The following MAP3K5 variants were observed in gnomAD, a reference collection of about 807,000 sequenced individuals.
MAP3K5 encodes the protein mitogen-activated protein kinase kinase kinase 5, also known as ASK-1.
In MAP3K5, 56 loss-of-function variants were observed where a neutral mutation model predicts 158.7. The observed-to-expected ratio is 0.35, with a 90% CI of 0.28 to 0.44. MAP3K5 has a LOEUF of 0.44. Ranked by LOEUF, MAP3K5 falls within the 20% of genes least tolerant of loss-of-function variation. MAP3K5 has a pLI of 1.00. For synonymous variants in MAP3K5, 579 were observed against 601.7 expected, an observed-to-expected ratio of 0.96 and a Z score of 0.55; for missense variants, 1,294 against 1,674.8, an observed-to-expected ratio of 0.77 and a Z score of 3.97.
At chr6:136,718,474 T>TA (rs1421452541) in intron 2 of MAP3K5, among the ~76,000 whole-genome samples, 5 of 152,212 alleles carry the variant, frequency 3.3e-5, no homozygotes, top group African/African-American at 1.2e-4. Flanking sequence ...AGTGCTGGGA[T>TA]TACCACACCC....
intron 1 of MAP3K5, among the ~76,000 whole-genome samples, chr6:136,786,981 C>T (rs1206343071): frequency 2.0e-5 from 3 of 152,044 alleles, no homozygotes; most frequent in Non-Finnish European, 4.4e-5. Context: ...GCTATTCGAA[C>T]ATCACTGTTT....
intron 9 of MAP3K5, among the ~76,000 whole-genome samples, chr6:136,658,705 C>T (rs1778874749): frequency 6.6e-6 from 1 of 152,158 alleles, no homozygotes; most frequent in East Asian, 1.9e-4. Flanking sequence ...GATTTGGGTG[C>T]ACTCCAAGAA....
chr6:136,759,636 A>G lies in MAP3K5; in HGVS notation c.448+32074T>C, dbSNP rs912656299. Among the ~76,000 whole-genome samples the G allele has an allele frequency of 2.0e-5, 3 of 151,014 alleles. No individual in the cohort carries two copies. The East Asian group carries it at 5.8e-4, about 29-fold the overall frequency. ...CAGGCATACACCACCACATCCAGCT[A>G]ATTTTTTCTATTTTTTGTAGAAACG... is the stretch of plus-strand genomic sequence containing the variant. On this transcript the variant is annotated intron_variant, in intron 1 of 29. Transcript: ENST00000359015.
At chr6:136,615,779 T>A (rs113356114) in intron 15 of MAP3K5, among the ~76,000 whole-genome samples, 4 of 152,170 alleles carry the variant, frequency 2.6e-5, no homozygotes. Context: ...TGAAATACAC[T>A]AATAATTCAC....
rs528814629 is a variant in MAP3K5, at chr6:136,614,080, G to A, written c.2278+79C>T. The A allele has an allele frequency of 4.3e-4, 645 of 1,491,748 alleles. 9 individuals are homozygous for A. In the South Asian group the frequency reaches 6.8e-3, roughly 16 times the overall value. 92.4% of individuals were successfully genotyped at this position (1,491,748 alleles called of 1,614,324 possible). A position where few individuals can be genotyped will look rare whatever the true frequency, so the allele number is the denominator to read the frequency against. On this transcript the variant is annotated intron_variant, in intron 16 of 29. Coordinates refer to ENST00000359015, the MANE Select transcript of MAP3K5 (RefSeq NM_005923.4). ...AGTTTAGACAGATTAAGACCTGTAC[G>A]CTAGTAAATCCCATTCAATTTTACT... is the stretch of plus-strand genomic sequence containing the variant.
At chr6:136,737,376 C>T (rs1782522928) in intron 1 of MAP3K5, among the ~76,000 whole-genome samples, 1 of 151,984 alleles carries the variant, frequency 6.6e-6, no homozygotes, top group South Asian at 2.1e-4. Context: ...CACATGTATC[C>T]TCTGAAACTA....
intron 14 of MAP3K5, among the ~76,000 whole-genome samples, chr6:136,624,926 A>G (rs957248235): frequency 6.6e-6 from 1 of 152,210 alleles, no homozygotes; most frequent in African/African-American, 2.4e-5. Flanking sequence ...TAGACCAGAT[A>G]CCTGAGAACC....
At chr6:136,776,907 G>A (rs1045593136) in intron 1 of MAP3K5, among the ~76,000 whole-genome samples, 4 of 152,164 alleles carry the variant, frequency 2.6e-5, no homozygotes, top group Admixed American at 6.5e-5. Context: ...CGGCAGGATC[G>A]GTCCTTGGGT....
chr6:136,570,854 A>G (rs1476587697), intron 25 of MAP3K5, among the ~76,000 whole-genome samples: 1 of 152,144 alleles, frequency 6.6e-6, no homozygotes, highest in East Asian at 1.9e-4. Flanking sequence ...TGTTTCTATG[A>G]ATTTGACTAC....
chr6:136,660,014 T>A (rs2114467639), intron 8 of MAP3K5, among the ~76,000 whole-genome samples: 1 of 152,360 alleles, frequency 6.6e-6, no homozygotes, highest in African/African-American at 2.4e-5. Context: ...TACATAAATC[T>A]ACAATTTTTA....
chr6:136,768,916 CA>C (rs755516570), intron 1 of MAP3K5, among the ~76,000 whole-genome samples: 1,347 of 114,030 alleles, frequency 0.012, 7 homozygotes, highest in African/African-American at 0.027. Context: ...AACTCCATGT[CA>C]AAAAAAAAAA....
chr6:136,742,545 ACTC>A (rs1318979547), intron 1 of MAP3K5, among the ~76,000 whole-genome samples: 2 of 152,130 alleles, frequency 1.3e-5, no homozygotes, highest in African/African-American at 4.8e-5. Context: ...AAACTATAAA[ACTC>A]CTGGAAAATA....
intron 24 of MAP3K5, among the ~76,000 whole-genome samples, chr6:136,582,260 A>ACACGTGTGTG (rs1371874060): frequency 1.6e-5 from 2 of 122,544 alleles, no homozygotes; most frequent in African/African-American, 6.9e-5. Flanking sequence ...ACGTGTGTGT[A>ACACGTGTGTG]TACGTGTGTG....
At chr6:136,727,367 T>G (rs1782012217) in intron 1 of MAP3K5, among the ~76,000 whole-genome samples, 1 of 152,308 alleles carries the variant, frequency 6.6e-6, no homozygotes, top group South Asian at 2.1e-4. Flanking sequence ...TAGTATTATT[T>G]CAGGACACTG....
At chr6:136,673,418 A>C (rs1283409061) in intron 7 of MAP3K5, among the ~76,000 whole-genome samples, 1 of 152,250 alleles carries the variant, frequency 6.6e-6, no homozygotes, top group Admixed American at 6.5e-5. Context: ...CACACACAAA[A>C]GCTGACCTAC....
chr6:136,676,700 T>C (rs1779715477), intron 7 of MAP3K5, among the ~76,000 whole-genome samples: 1 of 152,152 alleles, frequency 6.6e-6, no homozygotes, highest in Admixed American at 6.5e-5. Flanking sequence ...AGCAAGCATG[T>C]TGATACTTAT....
chr6:136,677,000 C>G (rs191046495), intron 7 of MAP3K5, among the ~76,000 whole-genome samples: 250 of 151,256 alleles, frequency 1.7e-3, no homozygotes, highest in Non-Finnish European at 2.3e-3. Flanking sequence ...CTGTGTTGAT[C>G]AGGCTGGTCT....
At chr6:136,767,501 A>C (rs749362722) in intron 1 of MAP3K5, among the ~76,000 whole-genome samples, 7 of 152,186 alleles carry the variant, frequency 4.6e-5, no homozygotes, top group Non-Finnish European at 8.8e-5. Flanking sequence ...TGAAAACTGC[A>C]ATCTACAATT....
At position 136,697,208 on chromosome 6, in the gene MAP3K5, C is replaced by G; in HGVS notation, c.975+11G>C. ...TACACAACAAAGATTTCACTTTAAACATCTTCTCACCTGGATATCTCTGTA... is the reference window on the plus strand; with the variant it reads ...TACACAACAAAGATTTCACTTTAAAGATCTTCTCACCTGGATATCTCTGTA... On this transcript the variant is annotated intron_variant, in intron 5 of 29. Coordinates refer to ENST00000359015, the MANE Select transcript of MAP3K5 (RefSeq NM_005923.4). 1 of 1,603,812 alleles carries G rather than the reference C, an allele frequency of 6.2e-7. No individual in the cohort carries two copies. The highest frequency in any genetic ancestry group is 1.1e-5 in the South Asian group (1 of 89,820).
Sources: allele counts gnomAD v4.1 joint callset (sites outside exome capture counted in the v4.1 genomes callset), GRCh38; gene constraint gnomAD v4.1.1; transcripts MANE v1.5; gene names NCBI Gene and HGNC (gene_info 2026-07-23, HGNC 2026-07-21).